EGFLAM: variants seen among roughly 807,000 people sequenced by gnomAD.
EGFLAM encodes pikachurin.
EGFLAM carries 79 observed loss-of-function variants against 113.1 expected under a neutral mutation model. The ratio of observed to expected loss-of-function variants is 0.70; its 90% confidence interval spans 0.58 to 0.84. The LOEUF (loss-of-function observed/expected upper bound fraction) is 0.84. Among genes scored for constraint, EGFLAM ranks in the 40% least tolerant of loss-of-function variants. The pLI, the probability that EGFLAM is intolerant of heterozygous loss-of-function variation, is 0.00. For missense variants in EGFLAM, 1,265 were observed against 1,291.6 expected (o/e 0.98, Z 0.32); for synonymous variants, 504 against 487.6 (o/e 1.03, Z -0.44).
rs143830397 is a variant in EGFLAM at position 38,415,567 on chromosome 5, G to A, written c.1495-2499G>A. On this transcript the variant is annotated intron_variant, in intron 11 of 21. Coordinates refer to ENST00000322350, the MANE Select transcript of EGFLAM (RefSeq NM_152403.4). ...CATATGCCTGTAGTCCCAGCTACTT[G>A]GGAGGCTGAGGAGGGAGGATCACTT... 1.9e-3 allele frequency among the ~76,000 whole-genome samples: 294 copies of A among 152,116 alleles called. 3 individuals carry two copies. Among genetic ancestry groups the A allele is most frequent in the Middle Eastern group, 6.8e-3 (2 of 294 alleles).
intron 1 of EGFLAM, among the ~76,000 whole-genome samples, chr5:38,265,788 C>T (rs1757619312): frequency 6.6e-6 from 1 of 152,256 alleles, no homozygotes; most frequent in African/African-American, 2.4e-5. Flanking sequence ...CCGCCCTCAG[C>T]AGTAATTCCT....
At chr5:38,423,043 T>C (rs541609812) in intron 12 of EGFLAM, among the ~76,000 whole-genome samples, 1 of 152,268 alleles carries the variant, frequency 6.6e-6, no homozygotes, top group South Asian at 2.1e-4. Flanking sequence ...GCACTGGGTA[T>C]TTCCACAGTC....
intron 17 of EGFLAM, chr5:38,445,346 T>A (rs1742671411): frequency 3.7e-6 from 1 of 270,796 alleles, no homozygotes; most frequent in South Asian, 1.4e-4. Context: ...TTAAAAGAAA[T>A]GCAGATTGTC....
At chr5:38,449,163 C>T (rs902805684) in intron 18 of EGFLAM, among the ~76,000 whole-genome samples, 3 of 152,172 alleles carry the variant, frequency 2.0e-5, no homozygotes, top group African/African-American at 4.8e-5. Flanking sequence ...CTTTCTGCTC[C>T]CCACACAATC....
At chr5:38,452,484 G>C (rs565164435) in intron 19 of EGFLAM, among the ~76,000 whole-genome samples, 1 of 152,306 alleles carries the variant, frequency 6.6e-6, no homozygotes, top group East Asian at 1.9e-4. Context: ...GTGTGTTACT[G>C]CTGCATGTTC....
chr5:38,394,560 C>T lies in EGFLAM; in HGVS notation c.713-11566C>T, dbSNP rs578045517. On this transcript the variant is annotated intron_variant, in intron 6 of 21. Coordinates refer to ENST00000322350, the MANE Select transcript of EGFLAM (RefSeq NM_152403.4). Reference sequence around the variant, plus strand: ...GAGTAGCTGGGACTACAGGCACCCGCCACCACGCCCGGCTAATTTTTTGTA... The same window carrying T: ...GAGTAGCTGGGACTACAGGCACCCGTCACCACGCCCGGCTAATTTTTTGTA... Among the ~76,000 whole-genome samples the T allele has an allele frequency of 8.6e-5, 13 of 151,988 alleles. 1 individual carries two copies. In the South Asian group the frequency reaches 2.7e-3, roughly 32 times the overall value.
intron 1 of EGFLAM, among the ~76,000 whole-genome samples, chr5:38,289,544 G>T (rs1403825920): frequency 6.6e-6 from 1 of 152,148 alleles, no homozygotes; most frequent in African/African-American, 2.4e-5. Flanking sequence ...TTAGAATTTT[G>T]TCAGTTTCTG....
At chr5:38,290,886 G>A (rs1051087250) in intron 1 of EGFLAM, 1 of 152,206 alleles carries the variant, frequency 6.6e-6, no homozygotes. Flanking sequence ...TCAAGACCAT[G>A]CTGGCTAACG....
chr5:38,302,494 A>T (rs1340589075), intron 1 of EGFLAM, among the ~76,000 whole-genome samples: 1 of 152,206 alleles, frequency 6.6e-6, no homozygotes, highest in East Asian at 1.9e-4. Context: ...ATAAGAATTC[A>T]AAGATAGAAT....
intron 5 of EGFLAM, among the ~76,000 whole-genome samples, chr5:38,362,278 C>A (rs1739943481): frequency 6.6e-6 from 1 of 152,140 alleles, no homozygotes; most frequent in Non-Finnish European, 1.5e-5. Flanking sequence ...GATTTTATTT[C>A]ATGTGGAATG....
In EGFLAM at chr5:38,366,816, C is replaced by T. The variant is rs756374349; in HGVS notation, c.546-3480C>T. Among the ~76,000 whole-genome samples, 10 of 152,140 alleles carry T rather than the reference C, an allele frequency of 6.6e-5. No individual in the cohort carries two copies. In the South Asian group the frequency reaches 1.2e-3, roughly 19 times the overall value. ...ATGAAATGTGTTCATGTATAAAATC[C>T]TGCATACAATTTCTGAGAGTCCTCA... is the stretch of plus-strand genomic sequence containing the variant. On this transcript the variant is annotated intron_variant, in intron 5 of 21. Coordinates refer to ENST00000322350, the MANE Select transcript of EGFLAM (RefSeq NM_152403.4).
chr5:38,409,191 C>T (rs1292263750), intron 10 of EGFLAM, 87 bp downstream of exon 10: 2 of 1,017,072 alleles, frequency 2.0e-6, no homozygotes, highest in Non-Finnish European at 2.9e-6. Context: ...AAAATATATA[C>T]AGGATAGGTT....
In EGFLAM at chr5:38,326,053, T is replaced by C. The variant is rs147816390; in HGVS notation, c.98-11467T>C. On this transcript the variant is annotated intron_variant, in intron 1 of 21. Transcript: ENST00000322350. ...GTTTGTGGTGACAGGTGAGTGTGTG[T>C]GAAGACAGCCTGCTGGGAGCACTGG... Among the ~76,000 whole-genome samples the C allele has an allele frequency of 2.4e-3, 369 of 152,276 alleles. 2 individuals carry two copies. The highest frequency in any genetic ancestry group is 8.0e-3 in the African/African-American group (333 of 41,556).
intron 1 of EGFLAM, among the ~76,000 whole-genome samples, chr5:38,313,768 T>C (rs200905964): frequency 1.1e-4 from 16 of 152,358 alleles, no homozygotes; most frequent in East Asian, 5.8e-4. Context: ...TCATGTAAAA[T>C]ATTTGAATGT....
chr5:38,458,026 CA>C (rs1349595522), intron 19 of EGFLAM, among the ~76,000 whole-genome samples: 4 of 152,096 alleles, frequency 2.6e-5, no homozygotes, highest in African/African-American at 9.7e-5. Context: ...GCCAGCCCAA[CA>C]ATATGAATAT....
At chr5:38,323,788 T>C (rs1344067219) in intron 1 of EGFLAM, among the ~76,000 whole-genome samples, 6 of 152,098 alleles carry the variant, frequency 3.9e-5, no homozygotes, top group Non-Finnish European at 8.8e-5. Context: ...GTGGCTCATG[T>C]CTGTAATCGT....
intron 6 of EGFLAM, among the ~76,000 whole-genome samples, chr5:38,383,709 A>C (rs996722443): frequency 6.6e-6 from 1 of 152,204 alleles, no homozygotes; most frequent in African/African-American, 2.4e-5. Context: ...AGTAATGATA[A>C]GTGTCAAGAG....
chr5:38,374,979 T>G (rs1386572717), intron 6 of EGFLAM, among the ~76,000 whole-genome samples: 1 of 152,156 alleles, frequency 6.6e-6, no homozygotes, highest in Non-Finnish European at 1.5e-5. Flanking sequence ...TCCTTGTAGA[T>G]TCTGGATATT....
At chr5:38,453,290 T>C (rs1485165468) in intron 19 of EGFLAM, among the ~76,000 whole-genome samples, 1 of 152,156 alleles carries the variant, frequency 6.6e-6, no homozygotes, top group Non-Finnish European at 1.5e-5. Flanking sequence ...TGCTAAATGA[T>C]ATGAAAGTAA....
Sources: allele counts gnomAD v4.1 joint callset (sites outside exome capture counted in the v4.1 genomes callset), GRCh38; gene constraint gnomAD v4.1.1; transcripts MANE v1.5; gene names NCBI Gene and HGNC (gene_info 2026-07-23, HGNC 2026-07-21).